Variants in AGBL4 observed in about 807,000 individuals in gnomAD.
AGBL4 encodes the protein cytosolic carboxypeptidase 6.
A neutral mutation model predicts 66.4 loss-of-function variants in AGBL4; 58 were observed. The ratio of observed to expected loss-of-function variants is 0.87; its 90% CI spans 0.71 to 1.09. The LOEUF is 1.09. Ranked by LOEUF, AGBL4 falls within the 50% of genes least tolerant of loss-of-function variation. AGBL4 has a pLI of 0.00. For synonymous variants in AGBL4, 234 were observed against 222.9 expected (o/e 1.05, Z -0.44); for missense variants, 579 against 631.0 (o/e 0.92, Z 0.88).
chr1:48,730,089 C>A (rs1647854495), intron 6 of AGBL4, among the ~76,000 whole-genome samples: 1 of 152,160 alleles, frequency 6.6e-6, no homozygotes, highest in Non-Finnish European at 1.5e-5. Flanking sequence ...AGTTAGGAGA[C>A]CCCACTCTAC....
At chr1:48,617,373 A>G (rs1645336719) in intron 9 of AGBL4, among the ~76,000 whole-genome samples, 1 of 152,232 alleles carries the variant, frequency 6.6e-6, no homozygotes, top group African/African-American at 2.4e-5. Flanking sequence ...TTGCATAATC[A>G]GAGCTAATGC....
intron 3 of AGBL4, among the ~76,000 whole-genome samples, chr1:49,480,476 A>G (rs1046603743): frequency 2.6e-5 from 4 of 150,956 alleles, no homozygotes; most frequent in Non-Finnish European, 5.9e-5. Flanking sequence ...CCACTTTTTA[A>G]TGGAGTTGTT....
intron 3 of AGBL4, among the ~76,000 whole-genome samples, chr1:49,515,594 T>C (rs1411989849): frequency 6.6e-6 from 1 of 151,776 alleles, no homozygotes; most frequent in African/African-American, 2.4e-5. Context: ...CACACATATG[T>C]TTATTGTGGC....
chr1:48,839,546 T>A (rs990242242), intron 6 of AGBL4, among the ~76,000 whole-genome samples: 2 of 152,012 alleles, frequency 1.3e-5, no homozygotes, highest in African/African-American at 2.4e-5. Flanking sequence ...AGGTAGTAAA[T>A]AAAATGGTGG....
chr1:48,877,313 T>G (rs1649323191), intron 5 of AGBL4, among the ~76,000 whole-genome samples: 1 of 152,156 alleles, frequency 6.6e-6, no homozygotes, highest in African/African-American at 2.4e-5. Flanking sequence ...TCAAGCTGTT[T>G]TAACTGAAGA....
intron 9 of AGBL4, among the ~76,000 whole-genome samples, chr1:48,613,851 A>T (rs2148384853): frequency 6.6e-6 from 1 of 152,362 alleles, no homozygotes; most frequent in South Asian, 2.1e-4. Flanking sequence ...AGCTAACCAC[A>T]ATAATACAGC....
chr1:49,081,867 G>T (rs1157529142), intron 4 of AGBL4, among the ~76,000 whole-genome samples: 1 of 152,196 alleles, frequency 6.6e-6, no homozygotes, highest in Non-Finnish European at 1.5e-5. Context: ...ACTTGAAAAT[G>T]TCAATCCATG....
At chr1:48,828,182 T>A (rs1646472400) in intron 6 of AGBL4, among the ~76,000 whole-genome samples, 1 of 126,410 alleles carries the variant, frequency 7.9e-6, no homozygotes, top group Non-Finnish European at 1.7e-5. Flanking sequence ...GGCAACTCCA[T>A]CTCAAAAAAA....
At chr1:49,193,496 T>C (rs1372773516) in intron 4 of AGBL4, among the ~76,000 whole-genome samples, 1 of 152,002 alleles carries the variant, frequency 6.6e-6, no homozygotes, top group Non-Finnish European at 1.5e-5. Context: ...CTCCATGTAT[T>C]TGCACAGTTT....
At chr1:49,947,827 T>C (rs550762666) in intron 1 of AGBL4, among the ~76,000 whole-genome samples, 1 of 147,726 alleles carries the variant, frequency 6.8e-6, no homozygotes, top group African/African-American at 2.5e-5. Flanking sequence ...CTAGAACTGA[T>C]AAAAGACTTC....
chr1:49,470,636 T>A (rs1646723103), intron 3 of AGBL4, among the ~76,000 whole-genome samples: 1 of 152,044 alleles, frequency 6.6e-6, no homozygotes, highest in Non-Finnish European at 1.5e-5. Flanking sequence ...CACTATGCCC[T>A]GTCAGTTTAC....
At position 49,001,813 on chromosome 1, in the gene AGBL4, G is replaced by A. The variant is rs537595661; in HGVS notation, c.594+43771C>T. On this transcript the variant is annotated intron_variant, in intron 5 of 13. Transcript: ENST00000371839. Reference sequence around the variant, plus strand: ...CGTCAGTAATGCTCCTTGTCCTTGGGATAAATTCAAACCTCTAGGGTATGA... The same window carrying A: ...CGTCAGTAATGCTCCTTGTCCTTGGAATAAATTCAAACCTCTAGGGTATGA... Among the ~76,000 whole-genome samples, 13 of 152,164 alleles carry A rather than the reference G, an allele frequency of 8.5e-5. No homozygotes were observed. In the East Asian group the frequency reaches 2.5e-3, roughly 29 times the overall value.
intron 3 of AGBL4, among the ~76,000 whole-genome samples, chr1:49,500,921 T>C (rs1011866685): frequency 1.3e-5 from 2 of 152,076 alleles, no homozygotes; most frequent in Non-Finnish European, 2.9e-5. Flanking sequence ...AAAATGATGA[T>C]GGTATTTTGA....
At chr1:48,886,773 G>A (rs997054267) in intron 5 of AGBL4, among the ~76,000 whole-genome samples, 7 of 152,014 alleles carry the variant, frequency 4.6e-5, no homozygotes, top group Admixed American at 6.6e-5. Context: ...GGATGGTCTC[G>A]ATCTCCAGAC....
chr1:49,308,260 G>A (rs1644883376), intron 3 of AGBL4, among the ~76,000 whole-genome samples: 1 of 152,092 alleles, frequency 6.6e-6, no homozygotes, highest in Admixed American at 6.6e-5. Context: ...GACTAATGCA[G>A]GGCCCAAACA....
intron 4 of AGBL4, among the ~76,000 whole-genome samples, chr1:49,122,212 T>G (rs1158658105): frequency 1.3e-5 from 2 of 152,192 alleles, no homozygotes; most frequent in Non-Finnish European, 2.9e-5. Context: ...CTCCATGGGC[T>G]GCATCCACTG....
At chr1:48,947,709 C>T (rs1228047303) in intron 5 of AGBL4, among the ~76,000 whole-genome samples, 1 of 152,170 alleles carries the variant, frequency 6.6e-6, no homozygotes, top group Non-Finnish European at 1.5e-5. Flanking sequence ...CCTGCTACTT[C>T]CAGGATACTC....
chr1:49,407,978 C>T (rs1645239603), intron 3 of AGBL4, among the ~76,000 whole-genome samples: 1 of 152,206 alleles, frequency 6.6e-6, no homozygotes, highest in Non-Finnish European at 1.5e-5. Context: ...AGTTGGCTAA[C>T]CCTGCTCCCA....
intron 3 of AGBL4, among the ~76,000 whole-genome samples, chr1:49,580,196 A>T (rs1025636923): frequency 2.6e-5 from 4 of 151,984 alleles, no homozygotes; most frequent in Non-Finnish European, 5.9e-5. Context: ...TTCAGTCTAT[A>T]TGTGTCTTTA....
Sources: allele counts gnomAD v4.1 joint callset (sites outside exome capture counted in the v4.1 genomes callset), GRCh38; gene constraint gnomAD v4.1.1; transcripts MANE v1.5; gene names NCBI Gene and HGNC (gene_info 2026-07-23, HGNC 2026-07-21).